TMCC1: variants seen among roughly 807,000 people sequenced by gnomAD.
The protein encoded by TMCC1 is transmembrane and coiled-coil domains protein 1.
In TMCC1, 15 loss-of-function variants were observed where a neutral mutation model predicts 52.4. That is an observed-to-expected ratio of 0.29 (90% CI 0.19 to 0.44). The LOEUF (loss-of-function observed/expected upper bound fraction) is 0.44. Among genes scored for constraint, TMCC1 ranks in the 20% least tolerant of loss-of-function variants. The pLI, the probability that TMCC1 is intolerant of heterozygous loss-of-function variation, is 1.00. For synonymous variants in TMCC1, 279 were observed against 301.9 expected (o/e 0.92, Z 0.79); for missense variants, 503 against 806.0 (o/e 0.62, Z 4.55).
intron 4 of TMCC1, among the ~76,000 whole-genome samples, chr3:129,724,097 C>T (rs1019274537): frequency 6.6e-6 from 1 of 152,048 alleles, no homozygotes; most frequent in Non-Finnish European, 1.5e-5. Context: ...TACTCCAGCC[C>T]TGTGAGGCTG....
intron 4 of TMCC1, among the ~76,000 whole-genome samples, chr3:129,781,536 T>G (rs2055531470): frequency 6.6e-6 from 1 of 152,142 alleles, no homozygotes; most frequent in Non-Finnish European, 1.5e-5. Context: ...ACAACTTAGT[T>G]TTATCTTCTT....
At chr3:129,699,189 T>G (rs2047631390) in intron 4 of TMCC1, among the ~76,000 whole-genome samples, 1 of 152,178 alleles carries the variant, frequency 6.6e-6, no homozygotes, top group African/African-American at 2.4e-5. Context: ...CTTACTGGGC[T>G]GCACTTCCAG....
intron 4 of TMCC1, among the ~76,000 whole-genome samples, chr3:129,783,802 C>T (rs1316077033): frequency 6.6e-6 from 1 of 152,164 alleles, no homozygotes; most frequent in Admixed American, 6.5e-5. Flanking sequence ...AGAAGAACTC[C>T]TCTACCTTGA....
chr3:129,739,908 T>C (rs369981999), intron 4 of TMCC1, among the ~76,000 whole-genome samples: 5 of 152,236 alleles, frequency 3.3e-5, no homozygotes, highest in Admixed American at 1.3e-4. Context: ...AAGGGTAAAC[T>C]AGATTTAAGA....
intron 4 of TMCC1, among the ~76,000 whole-genome samples, chr3:129,711,747 T>C (rs572600833): frequency 1.3e-5 from 2 of 149,476 alleles, no homozygotes; most frequent in African/African-American, 2.5e-5. Context: ...TCCCAGCACT[T>C]TGGGAGGGTG....
chr3:129,749,518 ATCT>A (rs1240765043), intron 4 of TMCC1, among the ~76,000 whole-genome samples: 1 of 152,142 alleles, frequency 6.6e-6, no homozygotes, highest in African/African-American at 2.4e-5. Context: ...AAATCCAGCT[ATCT>A]TCATTTGTTT....
At chr3:129,719,148 C>A (rs1189533567) in intron 4 of TMCC1, among the ~76,000 whole-genome samples, 1 of 152,166 alleles carries the variant, frequency 6.6e-6, no homozygotes, top group Non-Finnish European at 1.5e-5. Flanking sequence ...ATTGGCATTT[C>A]AGCCCCACCC....
rs149289646 is a variant in TMCC1 at position 129,807,745 on chromosome 3, C to G, written c.576+20058G>C. 4.4e-3 allele frequency among the ~76,000 whole-genome samples: 674 copies of G among 152,112 alleles called. 6 individuals carry two copies. The highest frequency in any genetic ancestry group is 4.4e-3 in the Non-Finnish European group (297 of 67,992). ...TTACAACCTAAAATTCAGTACTCAG[C>G]CAAACTACCATTAAAGTATAAAGGT... On this transcript the variant is annotated intron_variant, in intron 4 of 6. Transcript: ENST00000393238.
intron 4 of TMCC1, among the ~76,000 whole-genome samples, chr3:129,785,933 CTTTTTTTT>C (rs11391336): frequency 3.1e-5 from 4 of 127,642 alleles, no homozygotes; most frequent in Non-Finnish European, 4.8e-5. Flanking sequence ...CCCTCACCCC[CTTTTTTTT>C]TTTTTTTTTT....
At chr3:129,672,970 A>T (rs184433748) in intron 4 of TMCC1, among the ~76,000 whole-genome samples, 26 of 152,298 alleles carry the variant, frequency 1.7e-4, no homozygotes, top group Admixed American at 8.5e-4. Flanking sequence ...TATTGAATTC[A>T]ATATATTACC....
chr3:129,752,619 T>C (rs968242808), intron 4 of TMCC1, among the ~76,000 whole-genome samples: 5 of 151,746 alleles, frequency 3.3e-5, no homozygotes, highest in Admixed American at 3.3e-4. Flanking sequence ...TGAGCCAAGA[T>C]CACGCCACTG....
chr3:129,849,320 C>G (rs186434980), intron 2 of TMCC1, among the ~76,000 whole-genome samples: 40 of 152,028 alleles, frequency 2.6e-4, no homozygotes, highest in African/African-American at 8.9e-4. Context: ...AAAAGCTGGG[C>G]CTGGTGACTC....
intron 4 of TMCC1, among the ~76,000 whole-genome samples, chr3:129,773,546 A>T (rs1473685138): frequency 6.6e-6 from 1 of 152,124 alleles, no homozygotes; most frequent in Admixed American, 6.5e-5. Context: ...AGCAAAATGG[A>T]AAAAAAATCC....
In TMCC1 at chr3:129,842,200, T is replaced by A. The variant is rs539864975; in HGVS notation, c.-183-9374A>T. 3.3e-5 allele frequency among the ~76,000 whole-genome samples: 5 copies of A among 152,332 alleles called. No individual in the cohort carries two copies. In the East Asian group the frequency reaches 9.6e-4, roughly 29 times the overall value. ...AAGCAGATTGGCCAGGCATAGTGGC[T>A]CACCGTGGTAATCTCAGCACTTTAG... On this transcript the variant is annotated intron_variant, in intron 2 of 6. Transcript: ENST00000393238.
At chr3:129,771,774 C>CAAAAAAAAAAAA (rs755523077) in intron 4 of TMCC1, among the ~76,000 whole-genome samples, 1 of 75,660 alleles carries the variant, frequency 1.3e-5, no homozygotes, top group African/African-American at 3.9e-5. Flanking sequence ...GACACTGTCT[C>CAAAAAAAAAAAA]AAAAAAAAAA....
Position 129,671,080 on chromosome 3 carries a change from G to A in TMCC1, c.761C>T (p.Ala254Val), listed in dbSNP as rs1412464455. 3 of 1,614,046 alleles carry A rather than the reference G, an allele frequency of 1.9e-6. No individual in the cohort carries two copies. The highest frequency in any genetic ancestry group is 3.3e-5 in the Admixed American group (2 of 59,998). ...LTEQIKIAQTARDDNVAEYLK... is the reference protein window; with the variant it reads ...LTEQIKIAQTVRDDNVAEYLK... ...GTATTCAGCAACGTTGTCGTCCCGGGCTGTTTGTGCAATCTTGATTTGTTC... is the reference window on the plus strand; with the variant it reads ...GTATTCAGCAACGTTGTCGTCCCGGACTGTTTGTGCAATCTTGATTTGTTC... The change falls in exon 5 of 7, where the codon GCC (alanine) becomes GTC (valine). Residue 254 changes from alanine to valine, a missense_variant. Ala to Val is a moderately conservative substitution (Grantham distance 64). This residue lies in a region of TMCC1 where 73 missense variants were observed against 182.9 expected (regional missense o/e 0.40). Coordinates refer to ENST00000393238, the MANE Select transcript of TMCC1 (RefSeq NM_001017395.5).
chr3:129,713,637 C>T (rs2048855795), intron 4 of TMCC1, among the ~76,000 whole-genome samples: 1 of 148,124 alleles, frequency 6.8e-6, no homozygotes, highest in South Asian at 2.1e-4. Flanking sequence ...AGCTTGAGCC[C>T]AGGAGTTCAA....
chr3:129,772,465 C>G (rs1398051023), intron 4 of TMCC1, among the ~76,000 whole-genome samples: 1 of 152,018 alleles, frequency 6.6e-6, no homozygotes, highest in Admixed American at 6.6e-5. Flanking sequence ...CCTGTAATCC[C>G]AGCACTTTGG....
At position 129,890,136 on chromosome 3, in the gene TMCC1, AG is replaced by A. The variant is rs1207357425; in HGVS notation, c.-435+3357del. ...TCTCTCCATAATATCTTTAAAAAAAAGAAAAATAAAAACATTCAGCTCTGAA... is the reference window on the plus strand; with the variant it reads ...TCTCTCCATAATATCTTTAAAAAAAAAAAAATAAAAACATTCAGCTCTGAA... On this transcript the variant is annotated intron_variant, in intron 1 of 6. Transcript: ENST00000393238. Among the ~76,000 whole-genome samples the A allele has an allele frequency of 1.4e-4, 22 of 152,258 alleles. 1 individual carries two copies.
Sources: gnomAD v4.1 joint callset for allele counts (sites outside exome capture counted in the v4.1 genomes callset) on GRCh38, gnomAD v4.1.1 for gene constraint, gnomAD v4.1.1 regional missense constraint, MANE v1.5 for transcripts, NCBI Gene and HGNC (gene_info 2026-07-23, HGNC 2026-07-21) for gene names.